The following ITPK1 variants were observed in gnomAD, a reference collection of about 807,000 sequenced individuals.
ITPK1 encodes the protein inositol 1,3,4-trisphosphate 5/6-kinase.
Under a neutral mutation model 45.3 loss-of-function variants are expected in ITPK1, and 21 were observed. The ratio of observed to expected loss-of-function variants is 0.46; its 90% CI spans 0.33 to 0.67. ITPK1 has a LOEUF of 0.67. Ranked by LOEUF, ITPK1 falls within the 30% of genes least tolerant of loss-of-function variation. The pLI is 0.02. For synonymous variants in ITPK1, 258 were observed against 253.6 expected, an observed-to-expected ratio of 1.02 and a Z score of -0.16; for missense variants, 474 against 573.5, an observed-to-expected ratio of 0.83 and a Z score of 1.77.
intron 9 of ITPK1, among the ~76,000 whole-genome samples, chr14:92,950,848 T>A (rs897995125): frequency 6.6e-6 from 1 of 152,220 alleles, no homozygotes; most frequent in Non-Finnish European, 1.5e-5. Flanking sequence ...TCTGTTGAAA[T>A]CTGTTCCCAA....
At chr14:92,959,664 T>G (rs75187361) in intron 7 of ITPK1, among the ~76,000 whole-genome samples, 9,791 of 151,664 alleles carry the variant, frequency 0.065, 426 homozygotes, top group East Asian at 0.23. Context: ...TGCAAAATCA[T>G]GGGTGGCTTC....
At chr14:93,110,643 C>G (rs901581374) in intron 2 of ITPK1, among the ~76,000 whole-genome samples, 2 of 152,194 alleles carry the variant, frequency 1.3e-5, no homozygotes, top group African/African-American at 4.8e-5. Context: ...GGGCTACCTA[C>G]CAAGGGTGGT....
chr14:93,022,409 C>A (rs964334314), intron 3 of ITPK1, among the ~76,000 whole-genome samples: 3 of 152,068 alleles, frequency 2.0e-5, no homozygotes, highest in Non-Finnish European at 4.4e-5. Context: ...TGTGGCTGGG[C>A]ACAGTGGGGC....
intron 2 of ITPK1, among the ~76,000 whole-genome samples, chr14:93,111,582 G>A (rs1358761305): frequency 3.9e-5 from 6 of 151,918 alleles, no homozygotes; most frequent in East Asian, 1.9e-4. Flanking sequence ...GTGGTGGTGC[G>A]CACCTGTAAT....
chr14:92,941,570 G>T lies in ITPK1; in HGVS notation c.1236C>A (p.Ser412=), dbSNP rs1887401032. 2.6e-6 allele frequency: 4 copies of T among 1,535,076 alleles called. No homozygotes were observed. The highest frequency in any genetic ancestry group is 3.5e-6 in the Non-Finnish European group (4 of 1,143,722). ...GGTCCCGGCTCCGTGGCTACTGGGAGGAGGCCTTGGTGGCCAGGGAGGCCA... is the reference window on the plus strand; with the variant it reads ...GGTCCCGGCTCCGTGGCTACTGGGATGAGGCCTTGGTGGCCAGGGAGGCCA... ...HCVASLATKA[S]SQ Residue 412 remains serine, a synonymous_variant, in exon 11 of 11, where the codon TCC becomes TCA. Coordinates refer to ENST00000267615, the MANE Select transcript of ITPK1 (RefSeq NM_014216.6).
intron 3 of ITPK1, among the ~76,000 whole-genome samples, chr14:93,053,401 T>C (rs1890098587): frequency 6.6e-6 from 1 of 151,466 alleles, no homozygotes; most frequent in South Asian, 2.1e-4. Context: ...CCTGTTGTCC[T>C]GGGGGCCTCA....
chr14:92,943,927 G>A (rs1053759675), intron 10 of ITPK1, among the ~76,000 whole-genome samples: 1 of 152,226 alleles, frequency 6.6e-6, no homozygotes, highest in Admixed American at 6.5e-5. Flanking sequence ...GAGGTGGAAA[G>A]GCTGGGGCTG....
At chr14:93,019,655 G>A (rs1888368145) in intron 3 of ITPK1, among the ~76,000 whole-genome samples, 1 of 152,136 alleles carries the variant, frequency 6.6e-6, no homozygotes, top group Non-Finnish European at 1.5e-5. Context: ...CAACTGCCCT[G>A]AAGGGGTCTG....
At chr14:93,073,567 A>G (rs1040020863) in intron 3 of ITPK1, among the ~76,000 whole-genome samples, 2 of 152,050 alleles carry the variant, frequency 1.3e-5, no homozygotes, top group African/African-American at 4.8e-5. Context: ...TGACCAACCG[A>G]CCTCCGGTCA....
chr14:93,038,781 C>T (rs950537061), intron 3 of ITPK1, among the ~76,000 whole-genome samples: 2 of 152,226 alleles, frequency 1.3e-5, no homozygotes, highest in African/African-American at 4.8e-5. Flanking sequence ...CCCGTTTCGG[C>T]CTCCCAAAGT....
chr14:92,948,168 A>G (rs1887774188), intron 9 of ITPK1, among the ~76,000 whole-genome samples: 1 of 152,086 alleles, frequency 6.6e-6, no homozygotes. Context: ...CAACGAGCTC[A>G]GCGGCTGCCA....
intron 7 of ITPK1, among the ~76,000 whole-genome samples, chr14:92,959,501 G>A (rs980613616): frequency 1.3e-5 from 2 of 152,218 alleles, no homozygotes; most frequent in African/African-American, 4.8e-5. Context: ...GCGTTGGGGG[G>A]CAGTGAACAT....
At chr14:93,105,018 G>A (rs1264075953) in intron 2 of ITPK1, among the ~76,000 whole-genome samples, 2 of 152,186 alleles carry the variant, frequency 1.3e-5, no homozygotes, top group Non-Finnish European at 2.9e-5. Flanking sequence ...ATACACTCCG[G>A]GCAAACCAGC....
At chr14:93,043,409 T>A (rs1889646219) in intron 3 of ITPK1, among the ~76,000 whole-genome samples, 1 of 152,176 alleles carries the variant, frequency 6.6e-6, no homozygotes, top group Admixed American at 6.5e-5. Context: ...CAGTGCTCTG[T>A]GGAGTCACTG....
chr14:93,029,293 T>G (rs772810122), intron 3 of ITPK1, among the ~76,000 whole-genome samples: 1 of 152,008 alleles, frequency 6.6e-6, no homozygotes, highest in Non-Finnish European at 1.5e-5. Context: ...TGCCCGCCCC[T>G]CACCTCCACC....
chr14:93,022,908 T>C (rs1888543355), intron 3 of ITPK1, among the ~76,000 whole-genome samples: 1 of 152,114 alleles, frequency 6.6e-6, no homozygotes, highest in Non-Finnish European at 1.5e-5. Context: ...GAGGTCTTGA[T>C]AGAGATAAGA....
At chr14:93,108,167 G>T (rs1264587952) in intron 2 of ITPK1, among the ~76,000 whole-genome samples, 1 of 152,256 alleles carries the variant, frequency 6.6e-6, no homozygotes, top group East Asian at 1.9e-4. Flanking sequence ...GCTGGGCTGG[G>T]CCCAATTCAT....
rs145575052 is a variant in ITPK1, at chr14:92,998,458, G to A, written c.247-4461C>T. 3.3e-5 allele frequency among the ~76,000 whole-genome samples: 5 copies of A among 152,294 alleles called. No individual in the cohort carries two copies. In the East Asian group the frequency reaches 7.7e-4, roughly 23 times the overall value. The stretch of plus-strand genomic sequence containing the variant: ...CAGGCAGCGACCTTCCAAGGGATTC[G>A]TTTTTCAGAGATGCAACTCAAAAAG... On this transcript the variant is annotated intron_variant, in intron 4 of 10. Coordinates refer to ENST00000267615, the MANE Select transcript of ITPK1 (RefSeq NM_014216.6).
At chr14:92,946,959 G>A (rs1381172522) in intron 9 of ITPK1, among the ~76,000 whole-genome samples, 2 of 152,260 alleles carry the variant, frequency 1.3e-5, no homozygotes, top group Non-Finnish European at 2.9e-5. Flanking sequence ...AGGAGGATGT[G>A]GGCCCCTGGG....
Sources: gnomAD v4.1 joint callset for allele counts (sites outside exome capture counted in the v4.1 genomes callset) on GRCh38, gnomAD v4.1.1 for gene constraint, MANE v1.5 for transcripts, NCBI Gene and HGNC (gene_info 2026-07-23, HGNC 2026-07-21) for gene names.